EML6: variants seen among roughly 807,000 people sequenced by gnomAD.
EML6 encodes the protein echinoderm microtubule-associated protein-like 6.
Under a neutral mutation model 240.1 loss-of-function variants are expected in EML6, and 154 were observed. The observed-to-expected ratio is 0.64, with a 90% CI of 0.56 to 0.73. EML6 has a LOEUF of 0.73. Among genes scored for constraint, EML6 ranks in the 30% least tolerant of loss-of-function variants. The pLI, the probability that EML6 is intolerant of heterozygous loss-of-function variation, is 0.00. For missense variants in EML6, 2,964 were observed against 2,474.6 expected (o/e 1.20, Z -4.20); for synonymous variants, 1,148 against 899.0 (o/e 1.28, Z -4.95).
intron 11 of EML6, among the ~76,000 whole-genome samples, chr2:54,858,383 G>T (rs1268873328): frequency 6.6e-6 from 1 of 152,184 alleles, no homozygotes; most frequent in Non-Finnish European, 1.5e-5. Flanking sequence ...AAAGAGATAG[G>T]CTAATTGATC....
At chr2:54,913,374 A>AGT (rs1196240850) in intron 25 of EML6, among the ~76,000 whole-genome samples, 1 of 151,650 alleles carries the variant, frequency 6.6e-6, no homozygotes, top group African/African-American at 2.4e-5. Context: ...CAGTCTCCCG[A>AGT]GTAGCTGGGA....
intron 26 of EML6, among the ~76,000 whole-genome samples, chr2:54,919,396 C>T (rs1191191868): frequency 6.6e-6 from 1 of 152,200 alleles, no homozygotes; most frequent in African/African-American, 2.4e-5. Context: ...GCAGTTACCT[C>T]TATGGCCACT....
chr2:54,893,076 A>G (rs892924360), intron 19 of EML6, among the ~76,000 whole-genome samples: 7 of 152,272 alleles, frequency 4.6e-5, no homozygotes, highest in African/African-American at 1.4e-4. Context: ...ATAAATTTGC[A>G]TCCATAACCA....
At chr2:54,888,147 C>G (rs1010102982) in intron 17 of EML6, among the ~76,000 whole-genome samples, 3 of 152,324 alleles carry the variant, frequency 2.0e-5, no homozygotes, top group South Asian at 4.1e-4. Flanking sequence ...TCAAATATCT[C>G]TCTCGAGCTG....
chr2:54,918,314 C>G (rs942509572), intron 26 of EML6, among the ~76,000 whole-genome samples: 1 of 152,174 alleles, frequency 6.6e-6, no homozygotes, highest in Admixed American at 6.5e-5. Flanking sequence ...ACCTCCCCCT[C>G]AATTCAGTTT....
rs550140586 is a variant in EML6, at chr2:54,806,754, T to G, written c.198-6478T>G. 2.0e-4 allele frequency among the ~76,000 whole-genome samples: 30 copies of G among 152,228 alleles called. No individual in the cohort carries two copies. In the South Asian group the frequency reaches 5.8e-3, roughly 30 times the overall value. ...TGCTAGGTTTTAAGTGCTACTGTTT[T>G]AATCACTGCTTTAGGATTTATTAAG... On this transcript the variant is annotated intron_variant, in intron 2 of 41. Coordinates refer to ENST00000356458, the MANE Select transcript of EML6 (RefSeq NM_001039753.4).
At position 54,856,118 on chromosome 2, in the gene EML6, A is replaced by ATGAC. The variant is rs140502657; in HGVS notation, c.1657+2266_1657+2269dup. Among the ~76,000 whole-genome samples the ATGAC allele has an allele frequency of 1.6e-3, 237 of 152,362 alleles. 6 individuals carry two copies. The East Asian group carries it at 0.043, about 27-fold the overall frequency. ...CGTAAGTGTTCTGCAGTTAATGAAA[A>ATGAC]TGACTGCTACTGTACTATGTTTACG... On this transcript the variant is annotated intron_variant, in intron 11 of 41. Coordinates refer to ENST00000356458, the MANE Select transcript of EML6 (RefSeq NM_001039753.4).
intron 28 of EML6, among the ~76,000 whole-genome samples, chr2:54,940,252 T>C (rs1675360956): frequency 6.6e-6 from 1 of 152,206 alleles, no homozygotes; most frequent in Admixed American, 6.5e-5. Flanking sequence ...TTCCACCTCA[T>C]TCTTTCTGAG....
intron 2 of EML6, among the ~76,000 whole-genome samples, chr2:54,810,404 C>A (rs1667775588): frequency 6.6e-6 from 1 of 152,090 alleles, no homozygotes; most frequent in African/African-American, 2.4e-5. Context: ...ATTCCATTCC[C>A]CCCAACCCCG....
chr2:54,834,241 C>T (rs977698875), intron 7 of EML6, among the ~76,000 whole-genome samples: 2 of 152,162 alleles, frequency 1.3e-5, no homozygotes, highest in African/African-American at 2.4e-5. Flanking sequence ...TGAAGTCACT[C>T]ACTCATACCT....
intron 2 of EML6, among the ~76,000 whole-genome samples, chr2:54,791,672 C>A (rs1304454367): frequency 2.0e-5 from 3 of 152,158 alleles, no homozygotes; most frequent in Non-Finnish European, 4.4e-5. Context: ...AACACTATAA[C>A]TGTGATGTTA....
intron 13 of EML6, 73 bp from the exon 14 acceptor site, chr2:54,866,693 G>T: frequency 1.4e-6 from 1 of 729,726 alleles, no homozygotes; most frequent in Non-Finnish European, 2.2e-6. Context: ...GATTTTACAA[G>T]AATGTCAAGA....
chr2:54,789,862 G>A (rs1297978310), intron 2 of EML6, among the ~76,000 whole-genome samples: 2 of 152,216 alleles, frequency 1.3e-5, no homozygotes, highest in Admixed American at 6.5e-5. Context: ...TACCTAAATA[G>A]TAAGTACAGG....
At chr2:54,727,982 A>G (rs972924429) in intron 2 of EML6, among the ~76,000 whole-genome samples, 1 of 152,158 alleles carries the variant, frequency 6.6e-6, no homozygotes, top group African/African-American at 2.4e-5. Context: ...TTGACAGGCT[A>G]TATGTCTAAG....
chr2:54,957,692 G>T, intron 32 of EML6, 98 bp from the exon 33 acceptor site: 1 of 1,044,816 alleles, frequency 9.6e-7, no homozygotes, highest in South Asian at 1.4e-5. Context: ...CTGAGGCATG[G>T]CTTACGCCTG....
At chr2:54,768,063 C>G (rs745715532) in intron 2 of EML6, among the ~76,000 whole-genome samples, 5 of 152,226 alleles carry the variant, frequency 3.3e-5, no homozygotes, top group African/African-American at 1.2e-4. Flanking sequence ...AGATGTGGGC[C>G]TCTTGAAAGG....
intron 24 of EML6, among the ~76,000 whole-genome samples, chr2:54,910,727 T>C (rs1673594823): frequency 6.6e-6 from 1 of 152,204 alleles, no homozygotes; most frequent in African/African-American, 2.4e-5. Context: ...TTGAAGGATG[T>C]TGAAGATCAA....
chr2:54,933,098 GA>G (rs1480557822), intron 28 of EML6, among the ~76,000 whole-genome samples: 1 of 152,080 alleles, frequency 6.6e-6, no homozygotes, highest in African/African-American at 2.4e-5. Flanking sequence ...TCTTCAGGTA[GA>G]AAAATGGCTG....
intron 2 of EML6, among the ~76,000 whole-genome samples, chr2:54,790,076 T>C (rs768826128): frequency 3.9e-5 from 6 of 152,222 alleles, no homozygotes; most frequent in Non-Finnish European, 8.8e-5. Context: ...CAGCATTAAG[T>C]AAATATTTGT....
Sources: allele counts gnomAD v4.1 joint callset (sites outside exome capture counted in the v4.1 genomes callset), GRCh38; gene constraint gnomAD v4.1.1; transcripts MANE v1.5; gene names NCBI Gene and HGNC (gene_info 2026-07-23, HGNC 2026-07-21).